Variants in DCAF8L2 observed in about 807,000 individuals in gnomAD.
DCAF8L2 encodes the protein DDB1- and CUL4-associated factor 8-like protein 2.
For missense variants in DCAF8L2, 430 were observed against 490.7 expected, an observed-to-expected ratio of 0.88 and a Z score of 1.17; for synonymous variants, 200 against 190.9, an observed-to-expected ratio of 1.05 and a Z score of -0.39.
At chrX:27,512,102 A>C in the DCAF8L2 span, among the ~76,000 whole-genome samples, 1 of 101,265 alleles carries the variant, frequency 9.9e-6, no homozygotes, top group Non-Finnish European at 2.0e-5. Flanking sequence ...TTCCACAAAA[A>C]CATAAAAAAT....
At chrX:27,609,250 C>A (rs754222284) in intron 1 of DCAF8L2, among the ~76,000 whole-genome samples, 2 of 111,428 alleles carry the variant, frequency 1.8e-5, no homozygotes, top group South Asian at 3.8e-4. Flanking sequence ...GTATAAATTT[C>A]TTTAATCGAG....
At chrX:27,490,278 T>C in the DCAF8L2 span, among the ~76,000 whole-genome samples, 6 of 112,391 alleles carry the variant, frequency 5.3e-5, no homozygotes, top group African/African-American at 1.9e-4. Flanking sequence ...GTTCCACTTA[T>C]TCAATTGAAA....
At chrX:27,532,676 T>C in the DCAF8L2 span, among the ~76,000 whole-genome samples, 1 of 110,379 alleles carries the variant, frequency 9.1e-6, no homozygotes. Context: ...GGCAGGAGGA[T>C]TGCTTGAGCC....
At chrX:27,497,768 C>T in the DCAF8L2 span, among the ~76,000 whole-genome samples, 1 of 111,004 alleles carries the variant, frequency 9.0e-6, no homozygotes, top group Non-Finnish European at 1.9e-5. Flanking sequence ...GGGGTTTCAC[C>T]ATATTGGCCA....
chrX:27,584,817 G>A, the DCAF8L2 span, among the ~76,000 whole-genome samples: 3 of 111,638 alleles, frequency 2.7e-5, no homozygotes, highest in Admixed American at 1.9e-4. Flanking sequence ...TTAGCTGAGT[G>A]GTTCTTAATG....
chrX:27,675,047 AT>A (rs886094618), intron 2 of DCAF8L2, among the ~76,000 whole-genome samples: 2 of 111,572 alleles, frequency 1.8e-5, no homozygotes, highest in South Asian at 3.7e-4. Context: ...GTTCCAAGTA[AT>A]TTTTTTTATC....
the DCAF8L2 span, among the ~76,000 whole-genome samples, chrX:27,507,658 T>G: frequency 8.9e-6 from 1 of 111,900 alleles, no homozygotes; most frequent in Non-Finnish European, 1.9e-5. Context: ...TCCACTTCTT[T>G]CATCTGTGAA....
the DCAF8L2 span, among the ~76,000 whole-genome samples, chrX:27,510,215 T>C: frequency 9.0e-6 from 1 of 110,548 alleles, no homozygotes; most frequent in Non-Finnish European, 1.9e-5. Context: ...ATTTTTTTTT[T>C]CTCTCTTAAC....
At chrX:27,680,346 A>C (rs1232103721) in intron 3 of DCAF8L2, among the ~76,000 whole-genome samples, 1 of 112,111 alleles carries the variant, frequency 8.9e-6, no homozygotes, top group Admixed American at 9.5e-5. Context: ...TTCATAAAGC[A>C]TGTCAACCAC....
At chrX:27,556,582 A>T in the DCAF8L2 span, among the ~76,000 whole-genome samples, 1 of 112,081 alleles carries the variant, frequency 8.9e-6, no homozygotes, top group Non-Finnish European at 1.9e-5. Context: ...GCAAGCTGTG[A>T]TGTGATGAAA....
At chrX:27,691,434 C>A (rs1250068521) in intron 3 of DCAF8L2, among the ~76,000 whole-genome samples, 2 of 111,048 alleles carry the variant, frequency 1.8e-5, no homozygotes, top group Non-Finnish European at 3.8e-5. Flanking sequence ...AAAATTCCAC[C>A]TAAATCATTT....
the DCAF8L2 span, among the ~76,000 whole-genome samples, chrX:27,513,888 T>C: frequency 2.7e-5 from 3 of 111,273 alleles, no homozygotes; most frequent in Non-Finnish European, 5.6e-5. Context: ...CACAAAATAA[T>C]AACAAATGCT....
the DCAF8L2 span, among the ~76,000 whole-genome samples, chrX:27,530,924 G>A: frequency 8.9e-6 from 1 of 111,802 alleles, no homozygotes; most frequent in East Asian, 2.8e-4. Context: ...TTGAAGTCTG[G>A]TTTGCTTAGT....
At chrX:27,643,627 AAACATAATGTCC>A (rs2147189909) in intron 2 of DCAF8L2, among the ~76,000 whole-genome samples, 1 of 111,957 alleles carries the variant, frequency 8.9e-6, no homozygotes, top group South Asian at 3.7e-4. Context: ...CAAAAGAGTA[AAACATAATGTCC>A]AACGTTATTT....
intron 1 of DCAF8L2, among the ~76,000 whole-genome samples, chrX:27,596,099 A>G (rs1926346804): frequency 8.9e-6 from 1 of 112,372 alleles, no homozygotes. Context: ...ATGAAGACAT[A>G]ATATTGTGGG....
chrX:27,685,013 T>A (rs1026133198), intron 3 of DCAF8L2, among the ~76,000 whole-genome samples: 4 of 111,521 alleles, frequency 3.6e-5, no homozygotes, highest in African/African-American at 1.3e-4. Context: ...TGGTCAATAT[T>A]CCTGGGAATC....
At chrX:27,647,778 A>G (rs1928997257) in intron 2 of DCAF8L2, among the ~76,000 whole-genome samples, 1 of 111,011 alleles carries the variant, frequency 9.0e-6, no homozygotes, top group African/African-American at 3.3e-5. Flanking sequence ...TTGGACAAAA[A>G]CAAACCTCCT....
upstream of DCAF8L2, among the ~76,000 whole-genome samples, chrX:27,588,891 T>A (rs1239349781): frequency 9.0e-6 from 1 of 111,018 alleles, no homozygotes; most frequent in African/African-American, 3.3e-5. Context: ...AATGAGTTTA[T>A]TGAAATAACT....
At chrX:27,524,028 A>C in the DCAF8L2 span, among the ~76,000 whole-genome samples, 13 of 112,010 alleles carry the variant, frequency 1.2e-4, 1 homozygote, top group Admixed American at 2.8e-4. Flanking sequence ...TGGTATCAGG[A>C]TGATGCTGGC....
Sources: allele counts gnomAD v4.1 joint callset (sites outside exome capture counted in the v4.1 genomes callset), GRCh38; gene constraint gnomAD v4.1.1; transcripts MANE v1.5; gene names NCBI Gene and HGNC (gene_info 2026-07-23, HGNC 2026-07-21).